OXSR1: variants seen among roughly 807,000 people sequenced by gnomAD.
The protein encoded by OXSR1 is oxidative stress responsive kinase 1, also known as serine/threonine-protein kinase OSR1.
Under a neutral mutation model 79.8 loss-of-function variants are expected in OXSR1, and 24 were observed. The observed-to-expected ratio is 0.30, with a 90% CI of 0.22 to 0.42. OXSR1 has a LOEUF of 0.42. OXSR1 is among the 10% of genes least tolerant of loss of function. The probability of loss-of-function intolerance (pLI) is 1.00; values close to 1 mark genes in which losing one functional copy is unlikely to be tolerated. For synonymous variants in OXSR1, 226 were observed against 209.2 expected, an observed-to-expected ratio of 1.08 and a Z score of -0.69; for missense variants, 430 against 618.4, an observed-to-expected ratio of 0.70 and a Z score of 3.23.
At chr3:38,207,279 G>A (rs1702284245) in intron 4 of OXSR1, among the ~76,000 whole-genome samples, 1 of 152,212 alleles carries the variant, frequency 6.6e-6, no homozygotes, top group African/African-American at 2.4e-5. Context: ...GGCTGTAGAA[G>A]ATAATTTTGT....
intron 10 of OXSR1, among the ~76,000 whole-genome samples, chr3:38,234,860 T>G (rs1169423309): frequency 6.6e-6 from 1 of 152,222 alleles, no homozygotes; most frequent in Non-Finnish European, 1.5e-5. Context: ...ATGATTAGAT[T>G]TATAAAATGT....
chr3:38,225,870 A>C (rs1024938533), intron 8 of OXSR1, among the ~76,000 whole-genome samples: 1 of 152,146 alleles, frequency 6.6e-6, no homozygotes, highest in Non-Finnish European at 1.5e-5. Flanking sequence ...GGGTCCACCC[A>C]GTGGGGAGTT....
intron 1 of OXSR1, among the ~76,000 whole-genome samples, chr3:38,167,744 C>A (rs1240732351): frequency 6.6e-6 from 1 of 152,208 alleles, no homozygotes; most frequent in Non-Finnish European, 1.5e-5. Flanking sequence ...TTCGTTGGTT[C>A]TAAAGACAGC....
intron 11 of OXSR1, among the ~76,000 whole-genome samples, chr3:38,239,136 T>C (rs911913467): frequency 1.3e-5 from 2 of 152,192 alleles, no homozygotes; most frequent in Non-Finnish European, 2.9e-5. Context: ...CTTCTATGTC[T>C]CTACTTAACT....
chr3:38,185,459 G>A lies in OXSR1; in HGVS notation c.183+2344G>A, dbSNP rs961782177. Among the ~76,000 whole-genome samples the A allele has an allele frequency of 5.9e-5, 9 of 151,982 alleles. No individual in the cohort carries two copies. The South Asian group carries it at 6.2e-4, about 11-fold the overall frequency. On this transcript the variant is annotated intron_variant, in intron 2 of 17. Transcript: ENST00000311806. The stretch of plus-strand genomic sequence containing the variant: ...AAATTAGTTGAATGTGGTGGTGCAC[G>A]CCTGTAATTCCAGTTACTCAGGAGG...
At chr3:38,202,152 G>A (rs922495510) in intron 4 of OXSR1, among the ~76,000 whole-genome samples, 1 of 152,106 alleles carries the variant, frequency 6.6e-6, no homozygotes, top group Non-Finnish European at 1.5e-5. Flanking sequence ...TTCATAATTG[G>A]GTCAGTTTTG....
At chr3:38,251,306 G>A in intron 15 of OXSR1, 97 bp from the exon 16 acceptor site, 1 of 929,568 alleles carries the variant, frequency 1.1e-6, no homozygotes, top group South Asian at 1.4e-5. Flanking sequence ...CATCCAGCTT[G>A]GGCCTAGCAT....
chr3:38,169,497 G>A (rs1279149188), intron 1 of OXSR1, among the ~76,000 whole-genome samples: 2 of 152,002 alleles, frequency 1.3e-5, no homozygotes, highest in African/African-American at 2.4e-5. Flanking sequence ...GTAATGATGG[G>A]GTTTCACCAT....
At chr3:38,166,353 A>G (rs894436106) in intron 1 of OXSR1, among the ~76,000 whole-genome samples, 1 of 152,038 alleles carries the variant, frequency 6.6e-6, no homozygotes, top group Non-Finnish European at 1.5e-5. Flanking sequence ...AGGGAGCTTT[A>G]AGTTTTTCCT....
chr3:38,181,178 C>G (rs1037302179), intron 1 of OXSR1, among the ~76,000 whole-genome samples: 7 of 146,150 alleles, frequency 4.8e-5, no homozygotes, highest in Admixed American at 1.4e-4. Context: ...AACTGTTAAT[C>G]TTGTCTTCAA....
chr3:38,237,808 A>T (rs1702949924), intron 11 of OXSR1, among the ~76,000 whole-genome samples: 1 of 152,192 alleles, frequency 6.6e-6, no homozygotes, highest in Admixed American at 6.5e-5. Context: ...ATTCGTTTAC[A>T]TACAATTGTG....
At chr3:38,184,666 C>G (rs1301095683) in intron 2 of OXSR1, among the ~76,000 whole-genome samples, 1 of 152,030 alleles carries the variant, frequency 6.6e-6, no homozygotes, top group Non-Finnish European at 1.5e-5. Flanking sequence ...AACTTAAGTT[C>G]ACTTGATGAT....
At chr3:38,179,396 G>T (rs1393958426) in intron 1 of OXSR1, among the ~76,000 whole-genome samples, 1 of 151,998 alleles carries the variant, frequency 6.6e-6, no homozygotes, top group South Asian at 2.1e-4. Context: ...CGAATTCCTG[G>T]ACTCAAGCAG....
intron 3 of OXSR1, among the ~76,000 whole-genome samples, chr3:38,198,342 T>C (rs1347010527): frequency 6.6e-6 from 1 of 152,184 alleles, no homozygotes; most frequent in African/African-American, 2.4e-5. Flanking sequence ...TTTATATCTT[T>C]AGTCATACAG....
chr3:38,206,498 TA>T lies in OXSR1; in HGVS notation c.434+7651del, dbSNP rs1175334961. Reference sequence around the variant, plus strand: ...GATATGAATCCACTTATTGCATTCTTAAAAAAAAAAAAAAAAGAGACAATGA... The same window carrying T: ...GATATGAATCCACTTATTGCATTCTTAAAAAAAAAAAAAAAGAGACAATGA... On this transcript the variant is annotated intron_variant, in intron 4 of 17. Transcript: ENST00000311806. Among the ~76,000 whole-genome samples the T allele has an allele frequency of 4.8e-3, 654 of 136,182 alleles. 1 individual carries two copies. Among genetic ancestry groups the T allele is most frequent in the Middle Eastern group, 7.3e-3 (2 of 274 alleles). 89.3% of individuals were successfully genotyped at this position (136,182 alleles called of 152,430 possible).
At chr3:38,246,274 C>G in intron 13 of OXSR1, 53 bp downstream of exon 13, 1 of 1,551,512 alleles carries the variant, frequency 6.4e-7, no homozygotes, top group Non-Finnish European at 8.9e-7. Flanking sequence ...ATGAAAAGAG[C>G]AGATATTAAC....
At chr3:38,214,332 G>C (rs1156696517) in intron 4 of OXSR1, among the ~76,000 whole-genome samples, 1 of 152,048 alleles carries the variant, frequency 6.6e-6, no homozygotes. Context: ...TGCTAAGTAA[G>C]TACAGGTGAC....
At chr3:38,234,925 T>TA (rs1323674483) in intron 10 of OXSR1, among the ~76,000 whole-genome samples, 1 of 152,270 alleles carries the variant, frequency 6.6e-6, no homozygotes, top group African/African-American at 2.4e-5. Context: ...GAAGTACTGA[T>TA]ACATGCTATA....
rs76637069 is a variant in OXSR1 at position 38,174,108 on chromosome 3, G to A, written c.70+8162G>A. On this transcript the variant is annotated intron_variant, in intron 1 of 17. Coordinates refer to ENST00000311806, the MANE Select transcript of OXSR1 (RefSeq NM_005109.3). ...GAGGTTTGAGGGCAGCTAGAGCAGA[G>A]TAAATCAGAAGGTGAAGAGACAGAT... 9.0e-3 allele frequency among the ~76,000 whole-genome samples: 1,376 copies of A among 152,334 alleles called. 12 individuals are homozygous for A. The highest frequency in any genetic ancestry group is 0.021 in the African/African-American group (867 of 41,574).
Sources: allele counts gnomAD v4.1 joint callset (sites outside exome capture counted in the v4.1 genomes callset), GRCh38; gene constraint gnomAD v4.1.1; transcripts MANE v1.5; gene names NCBI Gene and HGNC (gene_info 2026-07-23, HGNC 2026-07-21).